FSTL4: variants seen among roughly 807,000 people sequenced by gnomAD.
FSTL4 encodes the protein follistatin-related protein 4.
In FSTL4, 28 loss-of-function variants were observed where a neutral mutation model predicts 78.2. That is an observed-to-expected ratio of 0.36 (90% CI 0.27 to 0.49). FSTL4 has a LOEUF of 0.49. Ranked by LOEUF, FSTL4 falls within the 20% of genes least tolerant of loss-of-function variation. The probability of loss-of-function intolerance (pLI) is 0.98; values close to 1 mark genes in which losing one functional copy is unlikely to be tolerated. For missense variants in FSTL4, 922 were observed against 1,084.9 expected, an observed-to-expected ratio of 0.85 and a Z score of 2.11; for synonymous variants, 422 against 440.5, an observed-to-expected ratio of 0.96 and a Z score of 0.53.
chr5:133,375,022 C>A (rs868655999), intron 4 of FSTL4, among the ~76,000 whole-genome samples: 43 of 152,012 alleles, frequency 2.8e-4, no homozygotes, highest in Middle Eastern at 6.8e-3. Context: ...TTGGATGGAA[C>A]CTTGAGAGGC....
intron 3 of FSTL4, among the ~76,000 whole-genome samples, chr5:133,563,043 C>T (rs1759953086): frequency 6.6e-6 from 1 of 152,116 alleles, no homozygotes; most frequent in Admixed American, 6.5e-5. Flanking sequence ...AATACCTGCA[C>T]TGGAAAGCAC....
chr5:133,466,217 G>A (rs1446195568), intron 3 of FSTL4, among the ~76,000 whole-genome samples: 1 of 152,204 alleles, frequency 6.6e-6, no homozygotes, highest in Non-Finnish European at 1.5e-5. Context: ...CTCATTTTGA[G>A]TGGAGTTGAG....
At chr5:133,308,480 CT>C (rs1753704925) in intron 6 of FSTL4, among the ~76,000 whole-genome samples, 1 of 152,180 alleles carries the variant, frequency 6.6e-6, no homozygotes, top group South Asian at 2.1e-4. Context: ...CCAGATAGAT[CT>C]GGGTAGTGAG....
rs969181145 is a variant in FSTL4, at chr5:133,450,784, G to A, written c.161-49798C>T. ...CAGCTGACTTAATGCAGAGTCTACC[G>A]GCACCTTTTCAGATCAGATCCATCA... On this transcript the variant is annotated intron_variant, in intron 3 of 15. Coordinates refer to ENST00000265342, the MANE Select transcript of FSTL4 (RefSeq NM_015082.2). Among the ~76,000 whole-genome samples the A allele has an allele frequency of 6.6e-5, 10 of 152,272 alleles. No homozygotes were observed. The South Asian group carries it at 1.5e-3, about 22-fold the overall frequency.
chr5:133,801,682 C>G, the FSTL4 span, among the ~76,000 whole-genome samples: 1 of 152,244 alleles, frequency 6.6e-6, no homozygotes, highest in Non-Finnish European at 1.5e-5. Flanking sequence ...AGCCCAGGTG[C>G]AGTTAGGGGA....
chr5:133,208,688 G>GT (rs1437642450), intron 14 of FSTL4, among the ~76,000 whole-genome samples: 14 of 151,542 alleles, frequency 9.2e-5, no homozygotes, highest in East Asian at 1.9e-4. Flanking sequence ...TTCTTTTTTT[G>GT]TTTTTTGAGA....
At chr5:133,287,727 G>A (rs1469191925) in intron 6 of FSTL4, among the ~76,000 whole-genome samples, 2 of 152,206 alleles carry the variant, frequency 1.3e-5, no homozygotes, top group African/African-American at 4.8e-5. Context: ...GCTCTAGGAT[G>A]ACAGCAGTGC....
chr5:133,607,458 G>A (rs1761001821), intron 1 of FSTL4, among the ~76,000 whole-genome samples: 1 of 152,116 alleles, frequency 6.6e-6, no homozygotes, highest in Admixed American at 6.5e-5. Flanking sequence ...ACTCCATGAT[G>A]GGGGCAATGA....
chr5:133,416,371 A>C (rs1001593039), intron 3 of FSTL4, among the ~76,000 whole-genome samples: 2 of 152,222 alleles, frequency 1.3e-5, no homozygotes, highest in Non-Finnish European at 2.9e-5. Flanking sequence ...TTAACTTGTA[A>C]ATATAGAAGA....
chr5:133,330,543 C>T (rs1438988821), intron 4 of FSTL4, among the ~76,000 whole-genome samples: 1 of 152,294 alleles, frequency 6.6e-6, no homozygotes, highest in Admixed American at 6.5e-5. Context: ...AGAATCCCAC[C>T]CCCATGATCC....
intron 8 of FSTL4, among the ~76,000 whole-genome samples, chr5:133,232,228 G>T (rs967250245): frequency 6.6e-6 from 1 of 152,222 alleles, no homozygotes; most frequent in African/African-American, 2.4e-5. Context: ...AATAATTTGA[G>T]AGAGGAAGTA....
At chr5:133,736,262 G>T in the FSTL4 span, among the ~76,000 whole-genome samples, 3 of 152,182 alleles carry the variant, frequency 2.0e-5, no homozygotes, top group Admixed American at 2.0e-4. Context: ...TGGTAAGAAG[G>T]CCTGTTAGAG....
chr5:133,686,424 C>T, the FSTL4 span, among the ~76,000 whole-genome samples: 1 of 152,246 alleles, frequency 6.6e-6, no homozygotes, highest in Admixed American at 6.5e-5. Context: ...TTGTGTCTGG[C>T]ACATGGTCAG....
intron 4 of FSTL4, among the ~76,000 whole-genome samples, chr5:133,395,210 C>G (rs185382899): frequency 6.6e-6 from 1 of 152,156 alleles, no homozygotes; most frequent in South Asian, 2.1e-4. Context: ...TTTGTTCTTT[C>G]GCTCTTTGCA....
At chr5:133,659,197 A>T in the FSTL4 span, among the ~76,000 whole-genome samples, 1 of 152,078 alleles carries the variant, frequency 6.6e-6, no homozygotes, top group Non-Finnish European at 1.5e-5. Context: ...GAGACTGTGT[A>T]TTAAAACCTG....
At chr5:133,357,302 T>C (rs1439957007) in intron 4 of FSTL4, among the ~76,000 whole-genome samples, 1 of 152,178 alleles carries the variant, frequency 6.6e-6, no homozygotes, top group Non-Finnish European at 1.5e-5. Flanking sequence ...CCCGTTGGCC[T>C]CTCTGTCTCC....
the FSTL4 span, among the ~76,000 whole-genome samples, chr5:133,733,812 G>C: frequency 3.3e-5 from 5 of 152,232 alleles, no homozygotes; most frequent in African/African-American, 1.2e-4. Flanking sequence ...TGAGGTTGCA[G>C]TCAAGATGGG....
chr5:133,272,528 A>G (rs950422043), intron 6 of FSTL4, among the ~76,000 whole-genome samples: 3 of 152,262 alleles, frequency 2.0e-5, no homozygotes, highest in African/African-American at 7.2e-5. Context: ...ATGTTTAATC[A>G]TTTAATTTCG....
At chr5:133,304,200 A>G (rs775470780) in intron 6 of FSTL4, among the ~76,000 whole-genome samples, 6 of 152,218 alleles carry the variant, frequency 3.9e-5, no homozygotes, top group Non-Finnish European at 7.3e-5. Flanking sequence ...ATATGGTGCT[A>G]TCCTGGTAAA....
Sources: allele counts gnomAD v4.1 joint callset (sites outside exome capture counted in the v4.1 genomes callset), GRCh38; gene constraint gnomAD v4.1.1; transcripts MANE v1.5; gene names NCBI Gene and HGNC (gene_info 2026-07-23, HGNC 2026-07-21).